PRRX2: variants seen among roughly 807,000 people sequenced by gnomAD.
PRRX2 encodes paired mesoderm homeobox protein 2.
A neutral mutation model predicts 18.0 loss-of-function variants in PRRX2; 11 were observed. That is an observed-to-expected ratio of 0.61 (90% confidence interval 0.39 to 1.01). The LOEUF (loss-of-function observed/expected upper bound fraction) is 1.01. PRRX2 is among the 50% of genes least tolerant of loss of function. The pLI, the probability that PRRX2 is intolerant of heterozygous loss-of-function variation, is 0.01. For synonymous variants in PRRX2, 177 were observed against 154.8 expected (o/e 1.14, Z -1.06); for missense variants, 387 against 351.0 (o/e 1.10, Z -0.82).
chr9:129,708,364 C>T (rs1297059978), intron 1 of PRRX2, among the ~76,000 whole-genome samples: 1 of 152,150 alleles, frequency 6.6e-6, no homozygotes, highest in African/African-American at 2.4e-5. Flanking sequence ...TTCTAACTAT[C>T]CTAGTGGGTG....
At position 129,682,556 on chromosome 9, in the gene PRRX2, G is replaced by T. The variant is rs565826772; in HGVS notation, c.259+16430G>T. The stretch of plus-strand genomic sequence containing the variant: ...CCCTGGGGCGGGGTGGTGAGAATAG[G>T]GACTTGTTTATTCCTTTGTCTCTTG... On this transcript the variant is annotated intron_variant, in intron 1 of 3. Transcript: ENST00000372469. 1.4e-4 allele frequency among the ~76,000 whole-genome samples: 22 copies of T among 152,246 alleles called. No individual in the cohort carries two copies. The South Asian group carries it at 4.3e-3, about 30-fold the overall frequency.
chr9:129,700,993 G>A (rs1035942180), intron 1 of PRRX2, among the ~76,000 whole-genome samples: 4 of 152,206 alleles, frequency 2.6e-5, no homozygotes, highest in African/African-American at 7.2e-5. Context: ...AGAGGAGAGC[G>A]CTGTTGGAAG....
At chr9:129,696,313 G>A (rs752265401) in intron 1 of PRRX2, among the ~76,000 whole-genome samples, 21 of 152,194 alleles carry the variant, frequency 1.4e-4, no homozygotes, top group Non-Finnish European at 2.8e-4. Context: ...GGTGGCTCAC[G>A]CCTGGAATCC....
At chr9:129,692,824 G>A (rs1439362401) in intron 1 of PRRX2, among the ~76,000 whole-genome samples, 1 of 152,172 alleles carries the variant, frequency 6.6e-6, no homozygotes, top group Admixed American at 6.5e-5. Flanking sequence ...TTGCTTCTAA[G>A]TTTTGGCAAT....
At chr9:129,682,664 A>G (rs1832248501) in intron 1 of PRRX2, among the ~76,000 whole-genome samples, 1 of 152,142 alleles carries the variant, frequency 6.6e-6, no homozygotes, top group Non-Finnish European at 1.5e-5. Flanking sequence ...AATCCCGGAA[A>G]CAGCTCAGGT....
chr9:129,673,642 A>AC (rs1440488294), intron 1 of PRRX2, among the ~76,000 whole-genome samples: 1 of 140,356 alleles, frequency 7.1e-6, no homozygotes, highest in African/African-American at 2.7e-5. Flanking sequence ...ACAGACCCAT[A>AC]CCCCCCATGC....
rs551955612 is a variant in PRRX2, at chr9:129,676,623, G to T, written c.259+10497G>T. Among the ~76,000 whole-genome samples the T allele has an allele frequency of 5.3e-5, 8 of 152,338 alleles. No homozygotes were observed. The East Asian group carries it at 1.5e-3, about 29-fold the overall frequency. On this transcript the variant is annotated intron_variant, in intron 1 of 3. Transcript: ENST00000372469. ...CTGAACCGGCCCCTGCCCTCAGACG[G>T]CTTCCAGTCCACAGTTGATGTAGAG...
At chr9:129,705,043 G>A (rs1001183424) in intron 1 of PRRX2, among the ~76,000 whole-genome samples, 1 of 152,200 alleles carries the variant, frequency 6.6e-6, no homozygotes, top group African/African-American at 2.4e-5. Context: ...ATCAACCTTA[G>A]ATTAAAACCA....
chr9:129,713,277 C>T (rs1390671943), intron 1 of PRRX2: 2 of 152,330 alleles, frequency 1.3e-5, no homozygotes, highest in Non-Finnish European at 2.9e-5. Flanking sequence ...CAAAAGCAAT[C>T]ATGTTAAGGG....
In PRRX2 at chr9:129,709,199, C is replaced by T. The variant is rs999585474; in HGVS notation, c.260-10032C>T. ...GCCCAGAGGTGGGAAGGTGCTTGTGCTCCCTTCCAGGGGCAGCTCCTGCTG... is the reference window on the plus strand; with the variant it reads ...GCCCAGAGGTGGGAAGGTGCTTGTGTTCCCTTCCAGGGGCAGCTCCTGCTG... On this transcript the variant is annotated intron_variant, in intron 1 of 3. Transcript: ENST00000372469. This position sits in a 1 kb window ranked among gnomAD's most constrained non-coding sequence, Gnocchi z 4.2. Among the ~76,000 whole-genome samples, 1 of 152,222 alleles carries T rather than the reference C, an allele frequency of 6.6e-6. No individual in the cohort carries two copies. The highest frequency in any genetic ancestry group is 1.5e-5 in the Non-Finnish European group (1 of 68,028).
At chr9:129,722,083 A>G (rs954535074) in intron 3 of PRRX2, 134 bp from the exon 4 acceptor site, 4 of 1,282,622 alleles carry the variant, frequency 3.1e-6, no homozygotes, top group Non-Finnish European at 3.2e-6. Flanking sequence ...GCTCCAAATC[A>G]CCCCCAGTCC....
chr9:129,687,797 C>T (rs983751303), intron 1 of PRRX2, among the ~76,000 whole-genome samples: 14 of 152,236 alleles, frequency 9.2e-5, no homozygotes, highest in Admixed American at 5.9e-4. Context: ...CCTGGCCGGG[C>T]AGGCCTAGGC....
chr9:129,691,346 A>G (rs568942472), intron 1 of PRRX2, among the ~76,000 whole-genome samples: 5 of 151,996 alleles, frequency 3.3e-5, no homozygotes, highest in African/African-American at 1.2e-4. Flanking sequence ...AAAAAAAATT[A>G]TATAAACTTA....
intron 1 of PRRX2, among the ~76,000 whole-genome samples, chr9:129,669,342 C>T (rs1832071360): frequency 6.6e-6 from 1 of 152,216 alleles, no homozygotes; most frequent in Admixed American, 6.5e-5. Flanking sequence ...GAGGGCTGCA[C>T]CAGGCACGTT....
chr9:129,721,074 T>C (rs1338479578), intron 3 of PRRX2, among the ~76,000 whole-genome samples: 1 of 152,194 alleles, frequency 6.6e-6, no homozygotes, highest in African/African-American at 2.4e-5. Context: ...CAAGCATGCG[T>C]GTCCACAGGG....
intron 1 of PRRX2, among the ~76,000 whole-genome samples, chr9:129,706,248 C>T (rs1449020054): frequency 6.6e-6 from 1 of 151,744 alleles, no homozygotes. Flanking sequence ...GAGTTTGAGA[C>T]CAGGCTGGAC....
chr9:129,704,681 T>G (rs1328670361), intron 1 of PRRX2, among the ~76,000 whole-genome samples: 5 of 152,276 alleles, frequency 3.3e-5, no homozygotes, highest in Admixed American at 1.3e-4. Flanking sequence ...AGTTTTCCTA[T>G]CAGCAAAATG....
chr9:129,693,620 C>T (rs1273684177), intron 1 of PRRX2, among the ~76,000 whole-genome samples: 2 of 150,658 alleles, frequency 1.3e-5, no homozygotes, highest in South Asian at 2.1e-4. Context: ...AAAAAAAGAT[C>T]GTTCTTTTGG....
chr9:129,684,763 A>C (rs1303552939), intron 1 of PRRX2, among the ~76,000 whole-genome samples: 3 of 152,178 alleles, frequency 2.0e-5, no homozygotes, highest in Non-Finnish European at 4.4e-5. Flanking sequence ...ATAAAGGAAG[A>C]GTTCTCTAAA....
Sources: gnomAD v4.1 joint callset for allele counts (sites outside exome capture counted in the v4.1 genomes callset) on GRCh38, gnomAD v4.1.1 for gene constraint, Gnocchi (gnomAD v3.1) non-coding constraint, MANE v1.5 for transcripts, NCBI Gene and HGNC (gene_info 2026-07-23, HGNC 2026-07-21) for gene names.